ADAMTS19: variants seen among roughly 807,000 people sequenced by gnomAD.
ADAMTS19 encodes ADAM metallopeptidase with thrombospondin type 1 motif 19.
In ADAMTS19, 93 loss-of-function variants were observed where a neutral mutation model predicts 153.3. The observed-to-expected ratio is 0.61, with a 90% CI of 0.51 to 0.72. ADAMTS19 has a LOEUF of 0.72. Among genes scored for constraint, ADAMTS19 ranks in the 30% least tolerant of loss-of-function variants. The pLI is 0.00. For synonymous variants in ADAMTS19, 600 were observed against 556.6 expected, an observed-to-expected ratio of 1.08 and a Z score of -1.10; for missense variants, 1,482 against 1,552.1, an observed-to-expected ratio of 0.95 and a Z score of 0.76.
At chr5:129,616,825 T>C (rs576673052) in intron 8 of ADAMTS19, among the ~76,000 whole-genome samples, 37 of 152,154 alleles carry the variant, frequency 2.4e-4, no homozygotes, top group Non-Finnish European at 4.1e-4. Flanking sequence ...CATGTAGAGG[T>C]ACATTTCTGC....
intron 11 of ADAMTS19, among the ~76,000 whole-genome samples, chr5:129,646,099 G>A (rs1199069086): frequency 2.6e-4 from 39 of 150,284 alleles, no homozygotes; most frequent in African/African-American, 9.3e-4. Context: ...TGTTTTAGCC[G>A]GGATGGTCTC....
chr5:129,615,071 T>C (rs1012676593), intron 8 of ADAMTS19, among the ~76,000 whole-genome samples: 3 of 96,266 alleles, frequency 3.1e-5, no homozygotes, highest in African/African-American at 8.5e-5. Context: ...TCCATGCTCA[T>C]GGATAGGAAG....
At chr5:129,481,565 A>G (rs1234687077) in intron 2 of ADAMTS19, among the ~76,000 whole-genome samples, 1 of 152,184 alleles carries the variant, frequency 6.6e-6, no homozygotes, top group Non-Finnish European at 1.5e-5. Flanking sequence ...GTATAGTCTG[A>G]TAATAGTTGT....
chr5:129,511,518 A>G (rs1026578035), intron 3 of ADAMTS19, among the ~76,000 whole-genome samples: 2 of 151,760 alleles, frequency 1.3e-5, no homozygotes, highest in African/African-American at 4.8e-5. Context: ...GTGGAGATAA[A>G]TGACACAGTT....
At chr5:129,636,864 T>C (rs534092309) in intron 10 of ADAMTS19, among the ~76,000 whole-genome samples, 1 of 152,350 alleles carries the variant, frequency 6.6e-6, no homozygotes, top group South Asian at 2.1e-4. Flanking sequence ...CGTCCTTTCT[T>C]ATAAAGTCTT....
At chr5:129,660,655 A>G (rs1055538711) in intron 15 of ADAMTS19, among the ~76,000 whole-genome samples, 2 of 152,076 alleles carry the variant, frequency 1.3e-5, no homozygotes, top group African/African-American at 4.8e-5. Flanking sequence ...TTCTATTTCA[A>G]ATCCCTTTTT....
intron 14 of ADAMTS19, among the ~76,000 whole-genome samples, chr5:129,657,270 T>G (rs1014640338): frequency 3.3e-5 from 5 of 152,184 alleles, no homozygotes; most frequent in African/African-American, 4.8e-5. Flanking sequence ...GCGGCTGCAT[T>G]TAATAATCTG....
At chr5:129,730,910 T>C (rs1757412597) in intron 21 of ADAMTS19, among the ~76,000 whole-genome samples, 1 of 150,714 alleles carries the variant, frequency 6.6e-6, no homozygotes, top group East Asian at 2.0e-4. Context: ...AAGCTGGATT[T>C]GAGATAGTGT....
chr5:129,493,517 TA>T (rs959629972), intron 2 of ADAMTS19, among the ~76,000 whole-genome samples: 1 of 151,934 alleles, frequency 6.6e-6, no homozygotes, highest in African/African-American at 2.4e-5. Context: ...TGTAATTTTT[TA>T]AAAAAGTAAC....
chr5:129,565,722 C>T (rs1753682056), intron 7 of ADAMTS19, among the ~76,000 whole-genome samples: 2 of 152,016 alleles, frequency 1.3e-5, no homozygotes, highest in South Asian at 4.1e-4. Context: ...TTATCTTTTT[C>T]TATCATAGCT....
intron 7 of ADAMTS19, among the ~76,000 whole-genome samples, chr5:129,581,124 T>G (rs574701008): frequency 6.4e-4 from 97 of 152,364 alleles, no homozygotes; most frequent in African/African-American, 2.2e-3. Flanking sequence ...TTGCTATTGC[T>G]CTATTCAGGG....
intron 7 of ADAMTS19, among the ~76,000 whole-genome samples, chr5:129,565,293 G>T (rs1753666405): frequency 6.6e-6 from 1 of 152,062 alleles, no homozygotes; most frequent in African/African-American, 2.4e-5. Context: ...TGGCCACAAA[G>T]CATTGGCTAT....
In ADAMTS19 at chr5:129,519,982, A is replaced by C. The variant is rs77915088; in HGVS notation, c.914-6302A>C. On this transcript the variant is annotated intron_variant, in intron 3 of 22. Transcript: ENST00000274487. ...GTGCACCAAAATCACCTGGAGATCA[A>C]AGTTAAAATGAAGATTTCTGGATCC... is the stretch of plus-strand genomic sequence containing the variant. 6.9e-3 allele frequency among the ~76,000 whole-genome samples: 1,048 copies of C among 152,238 alleles called. 29 individuals carry two copies. In the East Asian group the frequency reaches 0.077, roughly 11 times the overall value.
At chr5:129,527,723 G>T in intron 4 of ADAMTS19, 25 bp from the exon 5 acceptor site, 1 of 1,372,966 alleles carries the variant, frequency 7.3e-7, no homozygotes, top group South Asian at 1.3e-5. Context: ...TTAATTTTAG[G>T]ATTTTTATTT....
At chr5:129,483,437 A>AG (rs1198964136) in intron 2 of ADAMTS19, among the ~76,000 whole-genome samples, 1 of 152,186 alleles carries the variant, frequency 6.6e-6, no homozygotes, top group East Asian at 1.9e-4. Flanking sequence ...TAATTGTTGT[A>AG]GGGGGCTGTC....
At chr5:129,669,136 T>C (rs559820620) in intron 16 of ADAMTS19, among the ~76,000 whole-genome samples, 1 of 151,962 alleles carries the variant, frequency 6.6e-6, no homozygotes, top group African/African-American at 2.4e-5. Flanking sequence ...ACCAAGACCA[T>C]TCAACTGAGA....
At chr5:129,602,701 T>C (rs899018820) in intron 8 of ADAMTS19, among the ~76,000 whole-genome samples, 1 of 152,182 alleles carries the variant, frequency 6.6e-6, no homozygotes, top group South Asian at 2.1e-4. Flanking sequence ...TGTTTATAAC[T>C]TGTAGATTTT....
intron 21 of ADAMTS19, among the ~76,000 whole-genome samples, chr5:129,731,221 G>A (rs1338716812): frequency 6.6e-6 from 1 of 152,016 alleles, no homozygotes; most frequent in African/African-American, 2.4e-5. Context: ...GCCTCCCAAA[G>A]TGCTGGAATT....
intron 21 of ADAMTS19, among the ~76,000 whole-genome samples, chr5:129,731,502 G>A (rs1757442626): frequency 6.6e-6 from 1 of 152,016 alleles, no homozygotes; most frequent in Admixed American, 6.6e-5. Flanking sequence ...TTTGTCCAAG[G>A]AGCATATATA....
Sources: allele counts gnomAD v4.1 joint callset (sites outside exome capture counted in the v4.1 genomes callset), GRCh38; gene constraint gnomAD v4.1.1; transcripts MANE v1.5; gene names NCBI Gene and HGNC (gene_info 2026-07-23, HGNC 2026-07-21).